The following ABCA13 variants were observed in gnomAD, a reference collection of about 807,000 sequenced individuals.
ABCA13 encodes the protein ATP-binding cassette sub-family A member 13.
A neutral mutation model predicts 478.7 loss-of-function variants in ABCA13; 476 were observed. The ratio of observed to expected loss-of-function variants is 0.99; its 90% CI spans 0.92 to 1.07. ABCA13 has a LOEUF of 1.07. Among genes scored for constraint, ABCA13 ranks in the 50% least tolerant of loss-of-function variants. The pLI is 0.00. For missense variants in ABCA13, 6,060 were observed against 5,910.6 expected (o/e 1.03, Z -0.83); for synonymous variants, 2,252 against 2,158.9 (o/e 1.04, Z -1.20).
Position 48,376,338 on chromosome 7 carries a change from G to A in ABCA13, c.11204-103G>A. 11 of 1,429,144 alleles carry A rather than the reference G, an allele frequency of 7.7e-6. No individual in the cohort carries two copies. In the South Asian group the frequency reaches 1.3e-4, roughly 17 times the overall value. 88.5% of individuals were successfully genotyped at this position (1,429,144 alleles called of 1,614,324 possible). ...TTGACCTTCTTTTTGTTTTAGTTCT[G>A]TTCAACTTCACTTGAGCTTCCAGAA... On this transcript the variant is annotated intron_variant, in intron 34 of 61. Transcript: ENST00000435803.
chr7:48,256,552 G>A (rs886575900), intron 15 of ABCA13, among the ~76,000 whole-genome samples: 2 of 152,158 alleles, frequency 1.3e-5, no homozygotes, highest in Non-Finnish European at 2.9e-5. Flanking sequence ...ATTGATTAAG[G>A]AATCCTATCC....
At chr7:48,426,194 C>T (rs1174669186) in intron 41 of ABCA13, among the ~76,000 whole-genome samples, 1 of 152,182 alleles carries the variant, frequency 6.6e-6, no homozygotes, top group Non-Finnish European at 1.5e-5. Flanking sequence ...TACAGCTTTT[C>T]CTTGGAGTCT....
At chr7:48,516,961 C>T in intron 52 of ABCA13, 80 bp downstream of exon 52, 2 of 1,439,584 alleles carry the variant, frequency 1.4e-6, no homozygotes, top group African/African-American at 1.4e-5. Flanking sequence ...TCTTTTGTTG[C>T]TTTTCTGACT....
At chr7:48,390,920 G>A (rs529481901) in intron 37 of ABCA13, among the ~76,000 whole-genome samples, 4 of 152,264 alleles carry the variant, frequency 2.6e-5, no homozygotes, top group African/African-American at 7.2e-5. Flanking sequence ...GCTTTGTGTC[G>A]GCACACATTT....
rs1793218881 is a variant in ABCA13 at position 48,622,337 on chromosome 7, C to A, written c.14837+6960C>A. On this transcript the variant is annotated intron_variant, in intron 59 of 61. Coordinates refer to ENST00000435803, the MANE Select transcript of ABCA13 (RefSeq NM_152701.5). The stretch of plus-strand genomic sequence containing the variant: ...TTCTCTAGCCTGGACCCAGTTTACA[C>A]CTGGGCTACACCTGTGCCATTTTCC... 2.0e-5 allele frequency among the ~76,000 whole-genome samples: 3 copies of A among 152,270 alleles called. No individual in the cohort carries two copies. The South Asian group carries it at 6.2e-4, about 32-fold the overall frequency.
rs991105032 is a variant in ABCA13, at chr7:48,204,606, C to T, written c.287+6246C>T. On this transcript the variant is annotated intron_variant, in intron 3 of 61. Coordinates refer to ENST00000435803, the MANE Select transcript of ABCA13 (RefSeq NM_152701.5). ...TCCTTCTGTGCCTGCCGTCCCATTCCGATGCTTTGGGGCCCTCCACAATGA... is the reference window on the plus strand; with the variant it reads ...TCCTTCTGTGCCTGCCGTCCCATTCTGATGCTTTGGGGCCCTCCACAATGA... Among the ~76,000 whole-genome samples the T allele has an allele frequency of 3.9e-5, 6 of 152,104 alleles. No individual in the cohort carries two copies. The South Asian group carries it at 6.2e-4, about 16-fold the overall frequency.
chr7:48,205,427 G>A (rs1376328459), intron 3 of ABCA13, among the ~76,000 whole-genome samples: 1 of 152,112 alleles, frequency 6.6e-6, no homozygotes, highest in African/African-American at 2.4e-5. Context: ...TTTTGTATGT[G>A]GTGCATCTGC....
Position 48,279,861 on chromosome 7 carries a change from C to A in ABCA13, c.8667C>A (p.Tyr2889Ter). 2 of 1,553,696 alleles carry A rather than the reference C, an allele frequency of 1.3e-6. No individual in the cohort carries two copies. Among genetic ancestry groups the A allele is most frequent in the Middle Eastern group, 1.7e-4 (1 of 5,728 alleles). ...AACCATTTTTCTGTTTGGAGAAATA[C>A]CTGGGAGGATTATTTGTATTGACTA... is the stretch of plus-strand genomic sequence containing the variant. ...SFKPFFCLEK[Y>*]LGGLFVLTKY... The change falls in exon 18 of 62, where the codon TAC (tyrosine) becomes TAA (stop). Residue 2889 changes from tyrosine to a stop codon, truncating the protein, a stop_gained. Coordinates refer to ENST00000435803, the MANE Select transcript of ABCA13 (RefSeq NM_152701.5). LOFTEE classifies it high-confidence loss of function.
intron 55 of ABCA13, among the ~76,000 whole-genome samples, chr7:48,534,300 C>T (rs977686377): frequency 1.3e-5 from 2 of 152,116 alleles, no homozygotes; most frequent in African/African-American, 4.8e-5. Context: ...AAAAATAGAA[C>T]CCTGATCCCT....
chr7:48,178,370 G>A (rs1795167562), intron 1 of ABCA13, among the ~76,000 whole-genome samples: 1 of 152,096 alleles, frequency 6.6e-6, no homozygotes, highest in East Asian at 1.9e-4. Context: ...ATCATTGCCT[G>A]AGTTTAAGAA....
At chr7:48,300,021 G>C (rs1799932822) in intron 23 of ABCA13, among the ~76,000 whole-genome samples, 1 of 152,218 alleles carries the variant, frequency 6.6e-6, no homozygotes, top group Non-Finnish European at 1.5e-5. Context: ...TGATGGTTAA[G>C]TATATCCATA....
chr7:48,645,616 TC>T lies in ABCA13; in HGVS notation c.*106del. The T allele has an allele frequency of 1.2e-6, 1 of 866,822 alleles. No individual in the cohort carries two copies. Among genetic ancestry groups the T allele is most frequent in the Non-Finnish European group, 1.8e-6 (1 of 561,458 alleles). The allele number at this position is 866,822 out of a possible 1,614,324, so 53.7% of individuals were successfully genotyped here. A position where few individuals can be genotyped will look rare whatever the true frequency, so the allele number is the denominator to read the frequency against. On this transcript the variant is annotated 3_prime_UTR_variant, in exon 62 of 62. Coordinates refer to ENST00000435803, the MANE Select transcript of ABCA13 (RefSeq NM_152701.5). ...ACAATCAAGGAGCTGGAACACACTC[TC>T]CAGGCCGTCAAATTATTCTCTTGTT...
chr7:48,350,858 A>G, intron 30 of ABCA13, 39 bp downstream of exon 30: 1 of 1,582,346 alleles, frequency 6.3e-7, no homozygotes, highest in South Asian at 1.1e-5. Flanking sequence ...CCAAGATGCC[A>G]ACTCCTGTAA....
intron 57 of ABCA13, among the ~76,000 whole-genome samples, chr7:48,591,598 A>G (rs1445747772): frequency 6.6e-6 from 1 of 151,972 alleles, no homozygotes; most frequent in African/African-American, 2.4e-5. Context: ...AATTCTTTCA[A>G]TCCATGTACA....
At chr7:48,347,420 T>C (rs1808286914) in intron 29 of ABCA13, among the ~76,000 whole-genome samples, 1 of 152,158 alleles carries the variant, frequency 6.6e-6, no homozygotes, top group Non-Finnish European at 1.5e-5. Flanking sequence ...GGTGGAGTAA[T>C]TTGAGAAGTG....
chr7:48,626,135 G>C (rs952876790), intron 59 of ABCA13, among the ~76,000 whole-genome samples: 24 of 152,182 alleles, frequency 1.6e-4, no homozygotes, highest in African/African-American at 5.8e-4. Flanking sequence ...TTGGGATTGA[G>C]TGGGTAATAA....
At chr7:48,298,256 T>C (rs1799677531) in intron 22 of ABCA13, 110 bp from the exon 23 acceptor site, 3 of 964,976 alleles carry the variant, frequency 3.1e-6, no homozygotes, top group Non-Finnish European at 3.0e-6. Context: ...ATGGGTTGAA[T>C]GGTGTGAAAG....
Position 48,524,351 on chromosome 7 carries a change from G to C in ABCA13, c.14155G>C (p.Val4719Leu). 1 of 1,613,238 alleles carries C rather than the reference G, an allele frequency of 6.2e-7. No individual in the cohort carries two copies. The highest frequency in any genetic ancestry group is 8.5e-7 in the Non-Finnish European group (1 of 1,179,530). ...AGGAAGGACCAATGGAGACATTCTT[G>C]TGTTATACAACCTTAGTAAACATTA... ...FEGRTNGDIL[V>L]LYNLSKHYRR... The change falls in exon 54 of 62, where the codon GTG (valine) becomes CTG (leucine). Residue 4719 changes from valine (V) to leucine (L), a missense_variant. This residue lies in a region of ABCA13 where 1,627 missense variants were observed against 1,571.0 expected (regional missense o/e 1.04). Transcript: ENST00000435803.
chr7:48,497,762 G>T (rs779716580), intron 48 of ABCA13, among the ~76,000 whole-genome samples: 63 of 113,982 alleles, frequency 5.5e-4, no homozygotes, highest in African/African-American at 2.6e-3. Context: ...AAGTGAGTGG[G>T]GGAGTAGAGT....
Sources: allele counts gnomAD v4.1 joint callset (sites outside exome capture counted in the v4.1 genomes callset), GRCh38; gene constraint gnomAD v4.1.1; regional missense constraint gnomAD v4.1.1; transcripts MANE v1.5; gene names NCBI Gene and HGNC (gene_info 2026-07-23, HGNC 2026-07-21).